PIWIL2: variants seen among roughly 807,000 people sequenced by gnomAD.
PIWIL2 encodes piwi-like protein 2.
Under a neutral mutation model 116.5 loss-of-function variants are expected in PIWIL2, and 81 were observed. The ratio of observed to expected loss-of-function variants is 0.70; its 90% CI spans 0.58 to 0.84. The LOEUF (loss-of-function observed/expected upper bound fraction) is 0.84, where lower values mean the gene tolerates loss of function less well. Ranked by LOEUF, PIWIL2 falls within the 40% of genes least tolerant of loss-of-function variation. The pLI is 0.00. For missense variants in PIWIL2, 1,272 were observed against 1,212.3 expected (o/e 1.05, Z -0.73); for synonymous variants, 489 against 429.5 (o/e 1.14, Z -1.71).
At chr8:22,323,925 A>G (rs767938698) in intron 20 of PIWIL2, among the ~76,000 whole-genome samples, 3 of 152,182 alleles carry the variant, frequency 2.0e-5, no homozygotes, top group African/African-American at 4.8e-5. Flanking sequence ...CTAACAAACA[A>G]TATCACATCT....
chr8:22,279,221 GT>G, intron 1 of PIWIL2, 119 bp from the exon 2 acceptor site: 1 of 614,130 alleles, frequency 1.6e-6, no homozygotes, highest in Non-Finnish European at 2.9e-6. Context: ...AAGTGAATAT[GT>G]TGTAGAAGGC....
chr8:22,348,036 C>T (rs537016187), intron 20 of PIWIL2, among the ~76,000 whole-genome samples: 4 of 152,136 alleles, frequency 2.6e-5, no homozygotes, highest in Non-Finnish European at 5.9e-5. Flanking sequence ...GTGGCCCACG[C>T]CTGTAATCCC....
At chr8:22,321,821 C>G in intron 20 of PIWIL2, 1 of 976,004 alleles carries the variant, frequency 1.0e-6, no homozygotes, top group Non-Finnish European at 1.2e-6. Context: ...CTGGACTCCC[C>G]ATTTTTATTA....
At chr8:22,280,049 C>A (rs1167159130) in intron 2 of PIWIL2, among the ~76,000 whole-genome samples, 1 of 152,040 alleles carries the variant, frequency 6.6e-6, no homozygotes, top group East Asian at 1.9e-4. Flanking sequence ...TACATCTGGG[C>A]AAATATTTCA....
intron 10 of PIWIL2, 140 bp from the exon 11 acceptor site, chr8:22,303,881 G>C (rs1831111397): frequency 4.2e-6 from 2 of 478,696 alleles, no homozygotes; most frequent in Non-Finnish European, 7.2e-6. Flanking sequence ...ATCTGGCCAA[G>C]AGTCCCATCT....
At chr8:22,317,691 G>A (rs901495148) in intron 19 of PIWIL2, among the ~76,000 whole-genome samples, 2 of 150,834 alleles carry the variant, frequency 1.3e-5, no homozygotes, top group Admixed American at 6.6e-5. Flanking sequence ...ACAGAGTCTC[G>A]CTCTGTCGCC....
chr8:22,315,291 G>A, intron 18 of PIWIL2, 146 bp downstream of exon 18: 5 of 580,642 alleles, frequency 8.6e-6, no homozygotes, highest in Non-Finnish European at 1.6e-5. Flanking sequence ...CATTATCTAA[G>A]AATGGGTTTT....
chr8:22,306,116 T>G, intron 13 of PIWIL2, 100 bp downstream of exon 13: 1 of 779,922 alleles, frequency 1.3e-6, no homozygotes, highest in South Asian at 1.5e-5. Context: ...ACTCTGATGT[T>G]GGCTTGCATT....
intron 10 of PIWIL2, among the ~76,000 whole-genome samples, chr8:22,293,914 T>G (rs1830824429): frequency 6.6e-6 from 1 of 152,230 alleles, no homozygotes; most frequent in African/African-American, 2.4e-5. Flanking sequence ...TACTCTTTCA[T>G]TTGATCCTTT....
At position 22,283,206 on chromosome 8, in the gene PIWIL2, C is replaced by G; in HGVS notation, c.598C>G (p.Arg200Gly). 6.2e-7 allele frequency: 1 copy of G among 1,613,958 alleles called. No homozygotes were observed. The highest frequency in any genetic ancestry group is 8.5e-7 in the Non-Finnish European group (1 of 1,179,888). Reference protein sequence around the residue: ...LPQSPLHSPDRPLVLTVEHKE... With the variant: ...LPQSPLHSPDGPLVLTVEHKE... ...CCAGTCTCCCCTGCACTCTCCAGAT[C>G]GCCCTCTGGTCCTGACTGTGGAACA... Residue 200 changes from arginine (R) to glycine (G), a missense_variant, in exon 5 of 23, where the codon CGC becomes GGC. Transcript: ENST00000356766.
At chr8:22,310,198 T>C (rs920733398) in intron 15 of PIWIL2, 124 bp downstream of exon 15, 15 of 601,284 alleles carry the variant, frequency 2.5e-5, no homozygotes, top group Admixed American at 8.6e-5. Context: ...CCATTCTGAA[T>C]TACCTACTAA....
Position 22,353,056 on chromosome 8 carries a change from A to G in PIWIL2, c.2501A>G (p.Gln834Arg). The G allele has an allele frequency of 1.2e-6, 2 of 1,614,178 alleles. No individual in the cohort carries two copies. The highest frequency in any genetic ancestry group is 1.3e-5 in the African/African-American group (1 of 75,048). ...TVANYEIPQLQKCFEAFENYQ... is the reference protein window; with the variant it reads ...TVANYEIPQLRKCFEAFENYQ... ...GCCAACTATGAGATTCCTCAACTAC[A>G]GAAGTGTTTTGAAGCTTTTGAGAAT... The change falls in exon 21 of 23, where the codon CAG becomes CGG. Residue 834 changes from glutamine to arginine, a missense_variant. By Grantham distance (43) the Gln-to-Arg change is conservative. Transcript: ENST00000356766.
intron 1 of PIWIL2, among the ~76,000 whole-genome samples, chr8:22,277,642 A>G (rs1211259314): frequency 6.7e-6 from 1 of 149,654 alleles, no homozygotes; most frequent in Admixed American, 6.7e-5. Flanking sequence ...GAGTGCTGGG[A>G]TTACAGGCAT....
intron 2 of PIWIL2, 22 bp downstream of exon 2, chr8:22,279,606 T>G (rs1230111901): frequency 6.2e-7 from 1 of 1,602,136 alleles, no homozygotes; most frequent in East Asian, 2.2e-5. Flanking sequence ...TCCGGATGCA[T>G]AGGAGTGGCA....
intron 1 of PIWIL2, among the ~76,000 whole-genome samples, chr8:22,276,391 C>G (rs145402680): frequency 0.013 from 1,939 of 152,328 alleles, 53 homozygotes; most frequent in African/African-American, 0.043. Flanking sequence ...TCTCTGCTCA[C>G]TGCAACCTCC....
chr8:22,311,418 C>T, intron 16 of PIWIL2, 118 bp downstream of exon 16: 1 of 776,066 alleles, frequency 1.3e-6, no homozygotes, highest in Admixed American at 2.9e-5. Flanking sequence ...CTTGTCTTAC[C>T]CATGCGCACA....
rs757712366 is a variant in PIWIL2 at position 22,307,971 on chromosome 8, C to T, written c.1584C>T (p.His528=). The change falls in exon 14 of 23, where the codon CAC becomes CAT. Residue 528 remains histidine, a synonymous_variant. Transcript: ENST00000356766. The part of the protein sequence containing the change: ...AQQINLSPKQ[H]HSALECLLQR... ...AAATCAATCTGAGCCCCAAGCAACA[C>T]CATAGTGCTTTGGAATGCTTGCTGC... 3.7e-6 allele frequency: 6 copies of T among 1,612,708 alleles called. No homozygotes were observed. In the South Asian group the frequency reaches 4.4e-5, roughly 12 times the overall value.
chr8:22,306,449 G>C (rs1048859425), intron 13 of PIWIL2, among the ~76,000 whole-genome samples: 1 of 152,312 alleles, frequency 6.6e-6, no homozygotes, highest in Non-Finnish European at 1.5e-5. Context: ...AATAAGTCAG[G>C]AGATGAGGAT....
At chr8:22,298,803 A>C (rs116355161) in intron 10 of PIWIL2, among the ~76,000 whole-genome samples, 1 of 152,216 alleles carries the variant, frequency 6.6e-6, no homozygotes, top group Middle Eastern at 3.2e-3. Context: ...CAGATGGACA[A>C]GTAGGTCAGC....
Sources: allele counts gnomAD v4.1 joint callset (sites outside exome capture counted in the v4.1 genomes callset), GRCh38; gene constraint gnomAD v4.1.1; transcripts MANE v1.5; gene names NCBI Gene and HGNC (gene_info 2026-07-23, HGNC 2026-07-21).